Variants in TSHZ2 observed in about 807,000 individuals in gnomAD.
TSHZ2 encodes the protein teashirt zinc finger homeobox 2, also known as teashirt homolog 2.
TSHZ2 carries 21 observed loss-of-function variants against 74.4 expected under a neutral mutation model. The ratio of observed to expected loss-of-function variants is 0.28; its 90% confidence interval spans 0.20 to 0.41. The LOEUF (loss-of-function observed/expected upper bound fraction) is 0.41, where lower values mean the gene tolerates loss of function less well. TSHZ2 is among the 10% of genes least tolerant of loss of function. The pLI, the probability that TSHZ2 is intolerant of heterozygous loss-of-function variation, is 1.00. For missense variants in TSHZ2, 1,244 were observed against 1,293.5 expected (o/e 0.96, Z 0.59); for synonymous variants, 540 against 515.3 (o/e 1.05, Z -0.65).
intron 1 of TSHZ2, among the ~76,000 whole-genome samples, chr20:53,103,357 A>C (rs1030576447): frequency 2.2e-4 from 33 of 152,230 alleles, no homozygotes; most frequent in African/African-American, 7.7e-4. Flanking sequence ...TTAGACAAAC[A>C]ACCTCTGATG....
chr20:53,389,272 C>T (rs943456151), intron 2 of TSHZ2, among the ~76,000 whole-genome samples: 1 of 152,218 alleles, frequency 6.6e-6, no homozygotes, highest in African/African-American at 2.4e-5. Flanking sequence ...ATCATTCATA[C>T]CACATTCAAG....
At chr20:53,333,980 A>G (rs549939672) in intron 2 of TSHZ2, among the ~76,000 whole-genome samples, 1 of 152,330 alleles carries the variant, frequency 6.6e-6, no homozygotes, top group East Asian at 1.9e-4. Flanking sequence ...ATTGGTGCAC[A>G]TGATATTTGC....
intron 1 of TSHZ2, among the ~76,000 whole-genome samples, chr20:53,081,805 G>A (rs1220458117): frequency 1.3e-5 from 2 of 151,888 alleles, no homozygotes; most frequent in Admixed American, 6.6e-5. Flanking sequence ...GGGTTTTATT[G>A]TGAAATTTAG....
At chr20:53,069,327 C>T (rs377660968) in intron 1 of TSHZ2, among the ~76,000 whole-genome samples, 6 of 152,028 alleles carry the variant, frequency 3.9e-5, no homozygotes, top group African/African-American at 1.2e-4. Flanking sequence ...ACTGCTGGAC[C>T]GTGAGTGATT....
intron 2 of TSHZ2, among the ~76,000 whole-genome samples, chr20:53,359,106 T>C (rs1980958751): frequency 6.6e-6 from 1 of 152,156 alleles, no homozygotes; most frequent in South Asian, 2.1e-4. Flanking sequence ...TACTATTTTT[T>C]TGGAGGGCCT....
intron 1 of TSHZ2, among the ~76,000 whole-genome samples, chr20:53,155,702 A>G (rs894702459): frequency 6.6e-6 from 1 of 152,114 alleles, no homozygotes; most frequent in African/African-American, 2.4e-5. Context: ...GAAAAATTAC[A>G]AAAGGTTTTA....
At position 52,985,841 on chromosome 20, in the gene TSHZ2, G is replaced by A. The variant is rs949569932; in HGVS notation, c.40+12508G>A. Among the ~76,000 whole-genome samples, 6 of 152,190 alleles carry A rather than the reference G, an allele frequency of 3.9e-5. No homozygotes were observed. The East Asian group carries it at 7.7e-4, about 20-fold the overall frequency. On this transcript the variant is annotated intron_variant, in intron 1 of 2. Coordinates refer to ENST00000371497, the MANE Select transcript of TSHZ2 (RefSeq NM_173485.6). ...TCGTCTCCAATTATGCAGTTTTAAT[G>A]AGGAAGCAAGCCCAACCTTGAACAT...
At chr20:53,461,252 T>G (rs1985357155) in intron 2 of TSHZ2, among the ~76,000 whole-genome samples, 1 of 152,230 alleles carries the variant, frequency 6.6e-6, no homozygotes, top group African/African-American at 2.4e-5. Context: ...GGTGCGCCGT[T>G]TTTTAAGCCC....
chr20:53,364,578 TG>T (rs1250346391), intron 2 of TSHZ2, among the ~76,000 whole-genome samples: 6 of 152,240 alleles, frequency 3.9e-5, no homozygotes, highest in Non-Finnish European at 7.3e-5. Context: ...GCAAACTGAA[TG>T]TTGGAAGCAT....
intron 1 of TSHZ2, among the ~76,000 whole-genome samples, chr20:53,243,822 C>CTTTTTTTTTTTTTTTT (rs5841936): frequency 6.9e-6 from 1 of 145,702 alleles, no homozygotes; most frequent in Non-Finnish European, 1.5e-5. Flanking sequence ...TGCTTGCTTG[C>CTTTTTTTTTTTTTTTT]TTTTTTTTTT....
chr20:53,101,087 T>C (rs1458558121), intron 1 of TSHZ2, among the ~76,000 whole-genome samples: 1 of 152,218 alleles, frequency 6.6e-6, no homozygotes, highest in Non-Finnish European at 1.5e-5. Flanking sequence ...TATCTGGTTT[T>C]TTAATTTCCT....
intron 1 of TSHZ2, among the ~76,000 whole-genome samples, chr20:52,989,565 A>G (rs189630702): frequency 1.8e-3 from 270 of 152,324 alleles, no homozygotes; most frequent in Admixed American, 0.016. Flanking sequence ...CTCCTGTAAA[A>G]TAGGCATAAG....
At chr20:53,211,099 T>C (rs752545862) in intron 1 of TSHZ2, among the ~76,000 whole-genome samples, 1 of 152,222 alleles carries the variant, frequency 6.6e-6, no homozygotes, top group Non-Finnish European at 1.5e-5. Context: ...TGATTTGCTA[T>C]GTATGCCAGA....
At chr20:53,001,399 C>G (rs978778339) in intron 1 of TSHZ2, among the ~76,000 whole-genome samples, 1 of 151,978 alleles carries the variant, frequency 6.6e-6, no homozygotes, top group African/African-American at 2.4e-5. Context: ...TGGCAACAGT[C>G]AAAATGTATA....
intron 2 of TSHZ2, among the ~76,000 whole-genome samples, chr20:53,430,075 T>C (rs898927185): frequency 5.3e-5 from 8 of 152,202 alleles, no homozygotes; most frequent in Admixed American, 5.2e-4. Context: ...TATGATTCTA[T>C]AGACATTATT....
intron 1 of TSHZ2, chr20:53,196,659 C>T (rs1274453163): frequency 6.6e-6 from 1 of 152,156 alleles, no homozygotes; most frequent in East Asian, 1.9e-4. Context: ...GTGAATTACC[C>T]CCCTTTTAAA....
intron 1 of TSHZ2, among the ~76,000 whole-genome samples, chr20:53,214,037 G>T (rs563240152): frequency 2.6e-5 from 4 of 152,286 alleles, no homozygotes; most frequent in Non-Finnish European, 4.4e-5. Flanking sequence ...GCCTTACATT[G>T]CTTCAAATTC....
In TSHZ2 at chr20:53,114,362, C is replaced by T. The variant is rs1986614202; in HGVS notation, c.41-139137C>T. ...TCTTGAGCCTAACTAGCTGCTGAATCTTGGACACATCACAAAATCTCTCTA... is the reference window on the plus strand; with the variant it reads ...TCTTGAGCCTAACTAGCTGCTGAATTTTGGACACATCACAAAATCTCTCTA... On this transcript the variant is annotated intron_variant, in intron 1 of 2. Coordinates refer to ENST00000371497, the MANE Select transcript of TSHZ2 (RefSeq NM_173485.6). Among the ~76,000 whole-genome samples the T allele has an allele frequency of 2.0e-5, 3 of 152,136 alleles. No homozygotes were observed. The East Asian group carries it at 5.8e-4, about 29-fold the overall frequency.
chr20:53,418,374 G>A (rs1038595593), intron 2 of TSHZ2, among the ~76,000 whole-genome samples: 15 of 152,188 alleles, frequency 9.9e-5, no homozygotes, highest in African/African-American at 3.4e-4. Flanking sequence ...AGGCGTATTA[G>A]TCTGTTTTCA....
Sources: gnomAD v4.1 joint callset for allele counts (sites outside exome capture counted in the v4.1 genomes callset) on GRCh38, gnomAD v4.1.1 for gene constraint, MANE v1.5 for transcripts, NCBI Gene and HGNC (gene_info 2026-07-23, HGNC 2026-07-21) for gene names.